Variants in RGS10 observed in about 807,000 individuals in gnomAD.
RGS10 encodes the protein regulator of G-protein signalling 10.
Under a neutral mutation model 23.5 loss-of-function variants are expected in RGS10, and 11 were observed. That is an observed-to-expected ratio of 0.47 (90% CI 0.29 to 0.77). The LOEUF is 0.77. Ranked by LOEUF, RGS10 falls within the 30% of genes least tolerant of loss-of-function variation. The pLI is 0.08. For synonymous variants in RGS10, 77 were observed against 83.2 expected, an observed-to-expected ratio of 0.92 and a Z score of 0.41; for missense variants, 180 against 226.3, an observed-to-expected ratio of 0.80 and a Z score of 1.31.
At position 119,513,190 on chromosome 10, in the gene RGS10, G is replaced by A. The variant is rs184173301; in HGVS notation, c.399+2319C>T. Among the ~76,000 whole-genome samples, 11 of 152,342 alleles carry A rather than the reference G, an allele frequency of 7.2e-5. No homozygotes were observed. In the East Asian group the frequency reaches 2.1e-3, roughly 29 times the overall value. ...AATTTTTCTGAGGCTGGGCCTGGTG[G>A]CTCTTGCCTGTAATCCCAACACTTT... On this transcript the variant is annotated intron_variant, in intron 4 of 4. Transcript: ENST00000369103.
intron 4 of RGS10, among the ~76,000 whole-genome samples, chr10:119,513,937 A>AAC (rs1844108922): frequency 6.6e-6 from 1 of 152,216 alleles, no homozygotes; most frequent in Admixed American, 6.5e-5. Context: ...TTAATGCTAA[A>AAC]AAAAACACTT....
rs150178256 is a variant in RGS10 at position 119,540,354 on chromosome 10, C to T, written c.49+2236G>A. Among the ~76,000 whole-genome samples, 903 of 152,286 alleles carry T rather than the reference C, an allele frequency of 5.9e-3. 8 individuals carry two copies. Among genetic ancestry groups the T allele is most frequent in the African/African-American group, 0.013 (546 of 41,556 alleles). On this transcript the variant is annotated intron_variant, in intron 1 of 4. Coordinates refer to ENST00000369103, the MANE Select transcript of RGS10 (RefSeq NM_001005339.2). ...TAGCCTCAACCTCCCAGGCTCAAGC[C>T]ATCCTCTCACTTCAGCCGTCTAAGG...
intron 4 of RGS10, among the ~76,000 whole-genome samples, chr10:119,514,036 A>C (rs951667876): frequency 2.0e-5 from 3 of 152,272 alleles, no homozygotes; most frequent in Non-Finnish European, 4.4e-5. Flanking sequence ...ACCAAGTGTG[A>C]CATCAGGCTC....
chr10:119,508,409 C>G (rs1844039803), intron 4 of RGS10, among the ~76,000 whole-genome samples: 1 of 152,178 alleles, frequency 6.6e-6, no homozygotes, highest in Non-Finnish European at 1.5e-5. Context: ...CTGAGAAAGC[C>G]ACGAAGCTGC....
chr10:119,507,304 A>G (rs1445444651), intron 4 of RGS10, among the ~76,000 whole-genome samples: 4 of 152,158 alleles, frequency 2.6e-5, no homozygotes, highest in African/African-American at 4.8e-5. Context: ...ATGGTCATGC[A>G]GGGGCACTCA....
chr10:119,518,861 C>T (rs11198989), intron 3 of RGS10, among the ~76,000 whole-genome samples: 18,153 of 152,020 alleles, frequency 0.12, 1,518 homozygotes, highest in African/African-American at 0.23. Flanking sequence ...TCCGCCACCA[C>T]GCCCGGCTAA....
At chr10:119,530,343 C>G (rs1316169494) in intron 1 of RGS10, among the ~76,000 whole-genome samples, 1 of 152,110 alleles carries the variant, frequency 6.6e-6, no homozygotes, top group African/African-American at 2.4e-5. Flanking sequence ...AATCCAAGCA[C>G]CTGGGGAAAC....
At chr10:119,519,746 T>C (rs941869491) in intron 3 of RGS10, among the ~76,000 whole-genome samples, 3 of 141,998 alleles carry the variant, frequency 2.1e-5, no homozygotes, top group African/African-American at 8.0e-5. Context: ...CCAGCTCCTG[T>C]CTCCCTGTGT....
rs1040536257 is a variant in RGS10 at position 119,518,678 on chromosome 10, A to G, written c.256-3026T>C. 3.3e-5 allele frequency among the ~76,000 whole-genome samples: 5 copies of G among 149,842 alleles called. No individual in the cohort carries two copies. In the East Asian group the frequency reaches 7.8e-4, roughly 23 times the overall value. Reference sequence around the variant, plus strand: ...CCCCCTTGACCCCACAGCTCTCTACATGGGGGTTAATGGCCTCACCACCCC... The same window carrying G: ...CCCCCTTGACCCCACAGCTCTCTACGTGGGGGTTAATGGCCTCACCACCCC... On this transcript the variant is annotated intron_variant, in intron 3 of 4. Transcript: ENST00000369103.
chr10:119,530,775 T>C (rs941612500), intron 1 of RGS10, among the ~76,000 whole-genome samples: 1 of 152,192 alleles, frequency 6.6e-6, no homozygotes, highest in Non-Finnish European at 1.5e-5. Context: ...CAGTGATCCA[T>C]GATTGGGCCA....
At chr10:119,518,609 C>T (rs1844172704) in intron 3 of RGS10, among the ~76,000 whole-genome samples, 3 of 152,168 alleles carry the variant, frequency 2.0e-5, no homozygotes, top group Non-Finnish European at 4.4e-5. Context: ...CCCACACTGG[C>T]CCCGCCCTCC....
At chr10:119,518,892 G>C (rs1390480913) in intron 3 of RGS10, among the ~76,000 whole-genome samples, 1 of 152,106 alleles carries the variant, frequency 6.6e-6, no homozygotes, top group African/African-American at 2.4e-5. Context: ...TTTTAGTAGA[G>C]ACGGGGTTTC....
intron 3 of RGS10, among the ~76,000 whole-genome samples, chr10:119,522,884 T>G (rs924283564): frequency 1.3e-5 from 2 of 151,622 alleles, no homozygotes; most frequent in Admixed American, 1.3e-4. Flanking sequence ...CTGAATTCTT[T>G]TTTTTTTTGT....
At chr10:119,529,951 G>A (rs1040720041) in intron 1 of RGS10, among the ~76,000 whole-genome samples, 2 of 152,112 alleles carry the variant, frequency 1.3e-5, no homozygotes, top group Admixed American at 1.3e-4. Context: ...AATTTGCTGG[G>A]CATGGTGGTG....
intron 1 of RGS10, among the ~76,000 whole-genome samples, chr10:119,531,657 G>A (rs1363548149): frequency 6.6e-6 from 1 of 152,092 alleles, no homozygotes; most frequent in Non-Finnish European, 1.5e-5. Context: ...TCATTTTATA[G>A]ACTGGGAAGC....
At position 119,499,962 on chromosome 10, in the gene RGS10, T is replaced by C. The variant is rs1270272530; in HGVS notation, c.*151A>G. The C allele has an allele frequency of 4.7e-5, 31 of 657,954 alleles. No individual in the cohort carries two copies. Among genetic ancestry groups the C allele is most frequent in the Non-Finnish European group, 7.6e-5 (31 of 409,964 alleles). The allele number at this position is 657,954 out of a possible 1,614,324, so 40.8% of individuals were successfully genotyped here. ...GTTAGCTTAGCCATCATGCAAAATT[T>C]ACTGGTGAAGCAGTTAATAAAACAC... On this transcript the variant is annotated 3_prime_UTR_variant, in exon 5 of 5. Coordinates refer to ENST00000369103, the MANE Select transcript of RGS10 (RefSeq NM_001005339.2).
intron 4 of RGS10, 103 bp from the exon 5 acceptor site, chr10:119,500,362 A>AAT: frequency 9.5e-7 from 1 of 1,052,494 alleles, no homozygotes; most frequent in Non-Finnish European, 1.3e-6. Context: ...AAAGAATACT[A>AAT]ACATGTGCAA....
chr10:119,503,352 AAAAG>A (rs1655517721), intron 4 of RGS10, among the ~76,000 whole-genome samples: 1 of 152,000 alleles, frequency 6.6e-6, no homozygotes, highest in Admixed American at 6.6e-5. Flanking sequence ...AAAAAAAAAA[AAAAG>A]AGAATGCACC....
intron 4 of RGS10, among the ~76,000 whole-genome samples, chr10:119,500,747 G>A (rs1240746854): frequency 6.6e-6 from 1 of 150,436 alleles, no homozygotes; most frequent in African/African-American, 2.5e-5. Flanking sequence ...ACCTATTATT[G>A]TACCAGGAGT....
Sources: allele counts gnomAD v4.1 joint callset (sites outside exome capture counted in the v4.1 genomes callset), GRCh38; gene constraint gnomAD v4.1.1; transcripts MANE v1.5; gene names NCBI Gene and HGNC (gene_info 2026-07-23, HGNC 2026-07-21).